Variants in MTUS1 observed in about 807,000 individuals in gnomAD.
MTUS1 encodes microtubule-associated tumor suppressor 1.
A neutral mutation model predicts 120.8 loss-of-function variants in MTUS1; 109 were observed. The ratio of observed to expected loss-of-function variants is 0.90; its 90% confidence interval spans 0.77 to 1.06. The LOEUF (loss-of-function observed/expected upper bound fraction) is 1.06, where lower values mean the gene tolerates loss of function less well. MTUS1 is among the 50% of genes least tolerant of loss of function. The probability of loss-of-function intolerance (pLI) is 0.00; values close to 1 mark genes in which losing one functional copy is unlikely to be tolerated. For synonymous variants in MTUS1, 737 were observed against 550.5 expected (o/e 1.34, Z -4.74); for missense variants, 2,210 against 1,486.3 (o/e 1.49, Z -8.01).
At chr8:17,731,383 T>G (rs911446808) in intron 3 of MTUS1, among the ~76,000 whole-genome samples, 37 of 152,194 alleles carry the variant, frequency 2.4e-4, no homozygotes, top group African/African-American at 8.9e-4. Flanking sequence ...CCTTACCTCA[T>G]AGGTTCTTGT....
rs577400914 is a variant in MTUS1 at position 17,645,962 on chromosome 8, C to T, written c.3777G>A (p.Ser1259=). 34 of 1,612,816 alleles carry T rather than the reference C, an allele frequency of 2.1e-5. No individual in the cohort carries two copies. The East Asian group carries it at 4.7e-4, about 22-fold the overall frequency. The change falls in exon 15 of 15, where the codon TCG becomes TCA. Residue 1259 remains serine (S), a synonymous_variant. Transcript: ENST00000693296. ...SAIPLQSPRN[S]GSFPSPSISP... is the part of the protein sequence containing the mutation. ...AAATGCTGGGGCTAGGGAAGGAGCCCGAATTCCTTGGTGACTGCAAAGGGA... is the reference window on the plus strand; with the variant it reads ...AAATGCTGGGGCTAGGGAAGGAGCCTGAATTCCTTGGTGACTGCAAAGGGA...
intron 6 of MTUS1, among the ~76,000 whole-genome samples, chr8:17,687,862 C>G (rs1416990944): frequency 6.6e-6 from 1 of 152,186 alleles, no homozygotes; most frequent in East Asian, 1.9e-4. Flanking sequence ...CATGTATCAT[C>G]TTCTTAAAGA....
At chr8:17,655,498 C>T (rs564973991) in intron 9 of MTUS1, among the ~76,000 whole-genome samples, 8 of 152,176 alleles carry the variant, frequency 5.3e-5, no homozygotes, top group African/African-American at 1.9e-4. Flanking sequence ...CCAAGGCAGG[C>T]GGATCACCTG....
At chr8:17,653,305 C>A in intron 11 of MTUS1, 24 bp from the exon 12 acceptor site, 1 of 1,513,146 alleles carries the variant, frequency 6.6e-7, no homozygotes, top group South Asian at 1.2e-5. Context: ...AAATGTGGAA[C>A]TTAAGTTAAC....
At chr8:17,742,711 G>C (rs1034720650) in intron 3 of MTUS1, among the ~76,000 whole-genome samples, 2 of 152,118 alleles carry the variant, frequency 1.3e-5, no homozygotes, top group Non-Finnish European at 2.9e-5. Flanking sequence ...TTTCACACTT[G>C]AGGCTTCATG....
rs1284494362 is a variant in MTUS1 at position 17,756,684 on chromosome 8, A to C, written c.-154-723T>G. ...TGTCAAGCCCAAACCCCCACCCCTT[A>C]TGTAACTATGTTGGAGACAGAGCCT... On this transcript the variant is annotated intron_variant, in intron 1 of 14. Coordinates refer to ENST00000693296, the MANE Select transcript of MTUS1 (RefSeq NM_001363059.2). Among the ~76,000 whole-genome samples, 12 of 18,196 alleles carry C rather than the reference A, an allele frequency of 6.6e-4. 1 individual carries two copies. The highest frequency in any genetic ancestry group is 5.6e-3 in the Admixed American group (10 of 1,780). 11.9% of individuals were successfully genotyped at this position (18,196 alleles called of 152,430 possible). A position where few individuals can be genotyped will look rare whatever the true frequency, so the allele number is the denominator to read the frequency against.
chr8:17,790,072 G>C (rs969380348), intron 1 of MTUS1, among the ~76,000 whole-genome samples: 2 of 152,112 alleles, frequency 1.3e-5, no homozygotes. Flanking sequence ...GTTTCAACTG[G>C]GCACGGTGGC....
chr8:17,756,599 T>A (rs561047928), intron 1 of MTUS1, among the ~76,000 whole-genome samples: 3 of 151,882 alleles, frequency 2.0e-5, no homozygotes, highest in African/African-American at 4.8e-5. Context: ...GGAAGTCCCT[T>A]GAAATGTGAG....
intron 4 of MTUS1, among the ~76,000 whole-genome samples, chr8:17,720,791 A>C (rs1329907367): frequency 6.6e-6 from 1 of 152,188 alleles, no homozygotes; most frequent in Non-Finnish European, 1.5e-5. Context: ...AGTGTGAAAG[A>C]CCTTATAATC....
chr8:17,748,521 C>T (rs1215982253), intron 2 of MTUS1, among the ~76,000 whole-genome samples: 1 of 152,150 alleles, frequency 6.6e-6, no homozygotes, highest in Non-Finnish European at 1.5e-5. Flanking sequence ...GCAAAGGGCC[C>T]ACTGAGCTGA....
intron 8 of MTUS1, chr8:17,674,448 G>C (rs1812655109): frequency 2.0e-6 from 2 of 983,598 alleles, no homozygotes; most frequent in Non-Finnish European, 2.4e-6. Context: ...ACAGAAAAGA[G>C]AAAAGCAAAA....
In MTUS1 at chr8:17,754,595, C is replaced by A. The variant is rs192275444; in HGVS notation, c.1213G>T (p.Val405Leu). 11 of 1,614,184 alleles carry A rather than the reference C, an allele frequency of 6.8e-6. No homozygotes were observed. The highest frequency in any genetic ancestry group is 8.5e-6 in the Non-Finnish European group (10 of 1,180,034). ...LILSSPPGQK[V>L]GSSFGLTWDA... ...CAAGTCAGTCCAAATGACGAGCCCACCTTTTGTCCTGGCGGGCTACTTAGA... is the reference window on the plus strand; with the variant it reads ...CAAGTCAGTCCAAATGACGAGCCCAACTTTTGTCCTGGCGGGCTACTTAGA... The change falls in exon 2 of 15, where the codon GTG becomes TTG. Residue 405 changes from valine (V) to leucine (L), a missense_variant. Coordinates refer to ENST00000693296, the MANE Select transcript of MTUS1 (RefSeq NM_001363059.2).
intron 6 of MTUS1, among the ~76,000 whole-genome samples, chr8:17,708,040 G>C (rs1820510347): frequency 6.6e-6 from 1 of 152,108 alleles, no homozygotes; most frequent in South Asian, 2.1e-4. Flanking sequence ...TCACAACCTT[G>C]GATTAGGCAA....
At chr8:17,728,825 G>C (rs1402760888) in intron 3 of MTUS1, among the ~76,000 whole-genome samples, 1 of 152,136 alleles carries the variant, frequency 6.6e-6, no homozygotes, top group Non-Finnish European at 1.5e-5. Flanking sequence ...ATTTACATCA[G>C]AACTTGATTG....
intron 7 of MTUS1, among the ~76,000 whole-genome samples, chr8:17,679,285 A>T (rs1228293296): frequency 1.3e-5 from 2 of 151,962 alleles, no homozygotes; most frequent in Non-Finnish European, 2.9e-5. Context: ...GTATATAAAA[A>T]ACATACATAA....
chr8:17,743,720 G>A lies in MTUS1; in HGVS notation c.2171C>T (p.Ala724Val), dbSNP rs1339369988. The change falls in exon 3 of 15, where the codon GCT (alanine) becomes GTT (valine). Residue 724 changes from alanine (A) to valine (V), a missense_variant. Physicochemically the swap from Ala to Val is moderately conservative, Grantham distance 64. Coordinates refer to ENST00000693296, the MANE Select transcript of MTUS1 (RefSeq NM_001363059.2). The part of the protein sequence containing the change: ...PDSCGLRQIA[A>V]PKAKVGPPVS... ...AGGGGGCCCCACTTTGGCTTTTGGA[G>A]CAGCTATTTGCCTCAAACCGCAGGA... 3 of 1,614,178 alleles carry A rather than the reference G, an allele frequency of 1.9e-6. No homozygotes were observed. In the South Asian group the frequency reaches 3.3e-5, roughly 18 times the overall value.
chr8:17,669,162 A>G (rs964423901), intron 8 of MTUS1, among the ~76,000 whole-genome samples: 9 of 152,230 alleles, frequency 5.9e-5, no homozygotes, highest in African/African-American at 2.2e-4. Flanking sequence ...CAAAATCTTA[A>G]ATGTGTACAG....
intron 2 of MTUS1, among the ~76,000 whole-genome samples, chr8:17,751,949 A>T (rs2048232846): frequency 6.6e-6 from 1 of 152,046 alleles, no homozygotes; most frequent in South Asian, 2.1e-4. Flanking sequence ...ATATGGGACA[A>T]TCTTTCAAGA....
At chr8:17,687,986 G>A (rs1816175288) in intron 6 of MTUS1, among the ~76,000 whole-genome samples, 1 of 152,166 alleles carries the variant, frequency 6.6e-6, no homozygotes, top group African/African-American at 2.4e-5. Context: ...TAACCATTAA[G>A]ACATGGACTA....
Sources: gnomAD v4.1 joint callset for allele counts (sites outside exome capture counted in the v4.1 genomes callset) on GRCh38, gnomAD v4.1.1 for gene constraint, MANE v1.5 for transcripts, NCBI Gene and HGNC (gene_info 2026-07-23, HGNC 2026-07-21) for gene names.